Variants in DLG2 observed in about 807,000 individuals in gnomAD.
DLG2 encodes disks large homolog 2.
A neutral mutation model predicts 132.5 loss-of-function variants in DLG2; 45 were observed. The ratio of observed to expected loss-of-function variants is 0.34; its 90% CI spans 0.27 to 0.44. The LOEUF (loss-of-function observed/expected upper bound fraction) is 0.44, where lower values mean the gene tolerates loss of function less well. DLG2 is among the 20% of genes least tolerant of loss of function. DLG2 has a pLI of 1.00. For synonymous variants in DLG2, 424 were observed against 419.6 expected (o/e 1.01, Z -0.13); for missense variants, 1,045 against 1,196.9 (o/e 0.87, Z 1.87).
intron 14 of DLG2, among the ~76,000 whole-genome samples, chr11:83,953,275 G>A (rs1327290733): frequency 1.3e-5 from 2 of 152,186 alleles, no homozygotes; most frequent in Non-Finnish European, 2.9e-5. Context: ...AACTGGTCAG[G>A]TCTATGGCCT....
chr11:83,516,502 T>C (rs910764735), intron 21 of DLG2, among the ~76,000 whole-genome samples: 1 of 152,250 alleles, frequency 6.6e-6, no homozygotes, highest in Non-Finnish European at 1.5e-5. Flanking sequence ...TGCCTTTTAA[T>C]TGGAGCATTT....
chr11:83,749,373 G>C (rs1593585378), intron 18 of DLG2, among the ~76,000 whole-genome samples: 1 of 152,232 alleles, frequency 6.6e-6, no homozygotes, highest in African/African-American at 2.4e-5. Context: ...TCATTTCTAG[G>C]AACCCAAGAA....
intron 20 of DLG2, among the ~76,000 whole-genome samples, chr11:83,539,675 G>A (rs552449768): frequency 6.6e-6 from 1 of 151,274 alleles, no homozygotes; most frequent in African/African-American, 2.4e-5. Context: ...TATATATGAG[G>A]TGGAGCTACT....
intron 6 of DLG2, among the ~76,000 whole-genome samples, chr11:84,775,029 A>G (rs947105459): frequency 6.6e-6 from 1 of 152,158 alleles, no homozygotes; most frequent in African/African-American, 2.4e-5. Flanking sequence ...TTCACAAACT[A>G]TGCATCTAAC....
intron 6 of DLG2, among the ~76,000 whole-genome samples, chr11:84,624,248 C>T (rs980576059): frequency 5.9e-5 from 9 of 152,106 alleles, no homozygotes; most frequent in South Asian, 2.1e-4. Flanking sequence ...TATACCATGC[C>T]TATTTCTACA....
At chr11:84,616,347 ATAT>A (rs2099604440) in intron 6 of DLG2, among the ~76,000 whole-genome samples, 1 of 152,160 alleles carries the variant, frequency 6.6e-6, no homozygotes, top group African/African-American at 2.4e-5. Context: ...GTACAATGAA[ATAT>A]TATTTCAGTA....
At chr11:83,869,404 G>A (rs570731342) in intron 16 of DLG2, among the ~76,000 whole-genome samples, 2 of 152,290 alleles carry the variant, frequency 1.3e-5, no homozygotes, top group Admixed American at 1.3e-4. Context: ...TCCTTGGAAA[G>A]GATACCTGAG....
chr11:85,467,704 C>T (rs763864894), intron 3 of DLG2, among the ~76,000 whole-genome samples: 1 of 152,126 alleles, frequency 6.6e-6, no homozygotes, highest in Non-Finnish European at 1.5e-5. Flanking sequence ...CCCCTGAATT[C>T]AGTTTGCCAG....
intron 9 of DLG2, among the ~76,000 whole-genome samples, chr11:84,144,126 AG>A (rs1205659885): frequency 6.6e-6 from 1 of 152,178 alleles, no homozygotes; most frequent in Non-Finnish European, 1.5e-5. Flanking sequence ...GCTATGTAAT[AG>A]GGTTTTGTTG....
intron 4 of DLG2, among the ~76,000 whole-genome samples, chr11:85,259,846 G>A (rs2076852695): frequency 6.6e-6 from 1 of 151,992 alleles, no homozygotes; most frequent in Non-Finnish European, 1.5e-5. Context: ...GTGAAGATGA[G>A]TTTATTGATG....
At chr11:83,648,206 A>G (rs951815159) in intron 18 of DLG2, among the ~76,000 whole-genome samples, 7 of 152,166 alleles carry the variant, frequency 4.6e-5, no homozygotes, top group Non-Finnish European at 8.8e-5. Flanking sequence ...TAAGGCATGA[A>G]CAAAGAACTG....
intron 11 of DLG2, among the ~76,000 whole-genome samples, chr11:84,000,890 C>T (rs186856168): frequency 6.6e-6 from 1 of 152,138 alleles, no homozygotes; most frequent in East Asian, 1.9e-4. Flanking sequence ...AAGGACACAT[C>T]TGCCATTATG....
intron 11 of DLG2, among the ~76,000 whole-genome samples, chr11:84,053,426 TAAATTA>T (rs557793966): frequency 7.9e-5 from 12 of 152,076 alleles, no homozygotes; most frequent in African/African-American, 1.7e-4. Flanking sequence ...CCTCTGAACT[TAAATTA>T]AAAGTTGAAG....
At chr11:83,482,843 T>A (rs1440696615) in intron 22 of DLG2, among the ~76,000 whole-genome samples, 1 of 152,158 alleles carries the variant, frequency 6.6e-6, no homozygotes, top group Non-Finnish European at 1.5e-5. Flanking sequence ...TATTTCCATG[T>A]GAAAAGGCAG....
At chr11:84,553,311 C>T (rs936181802) in intron 6 of DLG2, among the ~76,000 whole-genome samples, 6 of 152,084 alleles carry the variant, frequency 3.9e-5, no homozygotes, top group Non-Finnish European at 7.4e-5. Flanking sequence ...GTAATAGACC[C>T]TGGTAATATT....
At chr11:84,255,206 A>G (rs2097447861) in intron 7 of DLG2, among the ~76,000 whole-genome samples, 1 of 152,210 alleles carries the variant, frequency 6.6e-6, no homozygotes, top group Non-Finnish European at 1.5e-5. Context: ...AAGAGAGGCT[A>G]TGACTAGTTT....
chr11:84,479,202 T>G (rs1180904044), intron 7 of DLG2, among the ~76,000 whole-genome samples: 2 of 152,086 alleles, frequency 1.3e-5, no homozygotes, highest in Non-Finnish European at 2.9e-5. Flanking sequence ...CTATAAAACT[T>G]GGATTGTTCT....
chr11:84,149,582 GT>G (rs1228405419), intron 9 of DLG2, among the ~76,000 whole-genome samples: 1 of 152,034 alleles, frequency 6.6e-6, no homozygotes, highest in East Asian at 1.9e-4. Context: ...CTATGTGTCT[GT>G]TTTTGTGCCA....
chr11:84,948,328 T>A (rs1409413106), intron 6 of DLG2, among the ~76,000 whole-genome samples: 1 of 152,250 alleles, frequency 6.6e-6, no homozygotes, highest in East Asian at 1.9e-4. Flanking sequence ...TTCTTTTTTT[T>A]TGAAAGCAAT....
Sources: allele counts gnomAD v4.1 joint callset (sites outside exome capture counted in the v4.1 genomes callset), GRCh38; gene constraint gnomAD v4.1.1; transcripts MANE v1.5; gene names NCBI Gene and HGNC (gene_info 2026-07-23, HGNC 2026-07-21).